Variants in ATXN2 observed in about 807,000 individuals in gnomAD.
The protein encoded by ATXN2 is ataxin 2.
A neutral mutation model predicts 138.6 loss-of-function variants in ATXN2; 37 were observed. The ratio of observed to expected loss-of-function variants is 0.27; its 90% CI spans 0.21 to 0.35. The LOEUF (loss-of-function observed/expected upper bound fraction) is 0.35, where lower values mean the gene tolerates loss of function less well. Among genes scored for constraint, ATXN2 ranks in the 10% least tolerant of loss-of-function variants. The probability of loss-of-function intolerance (pLI) is 1.00; values close to 1 mark genes in which losing one functional copy is unlikely to be tolerated. For missense variants in ATXN2, 1,216 were observed against 1,480.3 expected (o/e 0.82, Z 2.93); for synonymous variants, 549 against 543.7 (o/e 1.01, Z -0.13).
chr12:111,485,960 T>C (rs1877610497), intron 16 of ATXN2, 95 bp from the exon 17 acceptor site: 3 of 1,238,350 alleles, frequency 2.4e-6, no homozygotes, highest in East Asian at 2.6e-5. Flanking sequence ...CTAATTTTAC[T>C]TGCTTTAACT....
intron 5 of ATXN2, among the ~76,000 whole-genome samples, chr12:111,539,761 TAAAAATAA>T (rs1221895519): frequency 7.5e-5 from 11 of 147,160 alleles, no homozygotes; most frequent in African/African-American, 2.7e-4. Context: ...AAATAAAAAA[TAAAAATAA>T]AAAAAGAAAA....
intron 18 of ATXN2, among the ~76,000 whole-genome samples, chr12:111,481,662 T>A (rs1291712106): frequency 6.6e-6 from 1 of 151,932 alleles, no homozygotes; most frequent in Non-Finnish European, 1.5e-5. Context: ...TGAAAAAAAA[T>A]TTTATTTTTT....
At chr12:111,562,517 T>TG (rs1474429141) in intron 1 of ATXN2, among the ~76,000 whole-genome samples, 1 of 151,922 alleles carries the variant, frequency 6.6e-6, no homozygotes, top group Non-Finnish European at 1.5e-5. Context: ...GGTCGGGAGT[T>TG]GGAGACCAGC....
At chr12:111,465,753 G>A (rs1875956254) in intron 20 of ATXN2, among the ~76,000 whole-genome samples, 1 of 120,982 alleles carries the variant, frequency 8.3e-6, no homozygotes, top group East Asian at 2.3e-4. Context: ...ATGGGTGACA[G>A]AGTGAGACTA....
In ATXN2 at chr12:111,499,523, G is replaced by A. The variant is rs1878619736; in HGVS notation, c.1935+10026C>T. Reference sequence around the variant, plus strand: ...GTTCAAGACCAGCCTGGGCAACAAGGAGAAATCCCGTCTCTACTAAAAATA... The same window carrying A: ...GTTCAAGACCAGCCTGGGCAACAAGAAGAAATCCCGTCTCTACTAAAAATA... On this transcript the variant is annotated intron_variant, in intron 14 of 24. Coordinates refer to ENST00000673436, the MANE Select transcript of ATXN2 (RefSeq NM_001372574.1). Among the ~76,000 whole-genome samples, 4 of 152,100 alleles carry A rather than the reference G, an allele frequency of 2.6e-5. No homozygotes were observed. The South Asian group carries it at 8.3e-4, about 32-fold the overall frequency.
intron 1 of ATXN2, among the ~76,000 whole-genome samples, chr12:111,569,568 T>C (rs1424494742): frequency 6.6e-6 from 1 of 152,190 alleles, no homozygotes; most frequent in Non-Finnish European, 1.5e-5. Context: ...GTTTTAAAAA[T>C]TAGGCAGGTG....
intron 7 of ATXN2, 142 bp downstream of exon 7, chr12:111,520,740 T>C: frequency 1.8e-6 from 1 of 557,846 alleles, no homozygotes; most frequent in Non-Finnish European, 3.0e-6. Flanking sequence ...TTAATGGAAA[T>C]TTATCACAGT....
chr12:111,538,360 A>G (rs1219433301), intron 5 of ATXN2, among the ~76,000 whole-genome samples: 1 of 152,006 alleles, frequency 6.6e-6, no homozygotes, highest in Non-Finnish European at 1.5e-5. Flanking sequence ...AGCCCATTAA[A>G]TAAGATAAAA....
At position 111,488,496 on chromosome 12, in the gene ATXN2, T is replaced by C. The variant is rs769326602; in HGVS notation, c.2220A>G (p.Glu740=). The C allele has an allele frequency of 6.8e-6, 11 of 1,611,674 alleles. No individual in the cohort carries two copies. The South Asian group carries it at 1.1e-4, about 16-fold the overall frequency. Residue 740 remains glutamate, a synonymous_variant, in exon 15 of 25, where the codon GAA becomes GAG. Transcript: ENST00000673436. ...PACKQEKDDK[E]EKKDAAEQVR... ...CTCACTCAGCTGCGTCTTTCTTCTC[T>C]TCCTTATCGTCTTTCTCTTGTTTAC...
intron 14 of ATXN2, among the ~76,000 whole-genome samples, chr12:111,506,454 A>G (rs1282316399): frequency 6.6e-6 from 1 of 152,238 alleles, no homozygotes; most frequent in African/African-American, 2.4e-5. Flanking sequence ...TAAAGCTGTT[A>G]TAAAAACATG....
chr12:111,598,910 C>T lies in ATXN2; in HGVS notation c.125G>A (p.Ser42Asn). The T allele has an allele frequency of 1.3e-6, 2 of 1,509,460 alleles. No homozygotes were observed. The highest frequency in any genetic ancestry group is 1.8e-6 in the Non-Finnish European group (2 of 1,134,868). 93.5% of individuals were successfully genotyped at this position (1,509,460 alleles called of 1,614,324 possible). A position where few individuals can be genotyped will look rare whatever the true frequency, so the allele number is the denominator to read the frequency against. Residue 42 changes from serine to asparagine, a missense_variant, in exon 1 of 25, where the codon AGC becomes AAC. Transcript: ENST00000673436. This position sits in a 1 kb window ranked among gnomAD's most constrained non-coding sequence, Gnocchi z 4.5. ...AAANVRKPGG[S>N]GLLASPAAAP... ...GGCGGCGGGCGACGCTAGAAGGCCG[C>T]TGCCGCCGGGCTTGCGGACATTGGC...
chr12:111,591,223 C>T (rs1033943861), intron 1 of ATXN2, among the ~76,000 whole-genome samples: 4 of 152,050 alleles, frequency 2.6e-5, no homozygotes, highest in African/African-American at 7.3e-5. Context: ...CATCCCCTGC[C>T]CCTATGGAAA....
intron 1 of ATXN2, among the ~76,000 whole-genome samples, chr12:111,574,180 C>A (rs1189794582): frequency 1.3e-5 from 2 of 151,380 alleles, no homozygotes; most frequent in African/African-American, 4.8e-5. Flanking sequence ...TGGTGGCGGG[C>A]ACCTGTAGTC....
At chr12:111,595,730 A>G (rs571142835) in intron 1 of ATXN2, among the ~76,000 whole-genome samples, 2 of 152,212 alleles carry the variant, frequency 1.3e-5, no homozygotes, top group East Asian at 3.9e-4. Flanking sequence ...CCTCTACTAC[A>G]TAAAAATGAA....
Position 111,470,684 on chromosome 12 carries a change from T to C in ATXN2, c.2583A>G (p.Pro861=), listed in dbSNP as rs1214889538. ...CAATCGGTGGGCCCGCTGCTGACGC[T>C]GGGTGCATCATGGCACTCTGATGAT... ...DQHHQSAMMH[P]ASAAGPPIAA... Residue 861 remains proline (P), a synonymous_variant, in exon 19 of 25, where the codon CCA becomes CCG. Coordinates refer to ENST00000673436, the MANE Select transcript of ATXN2 (RefSeq NM_001372574.1). 1 of 1,614,034 alleles carries C rather than the reference T, an allele frequency of 6.2e-7. No individual in the cohort carries two copies. The highest frequency in any genetic ancestry group is 8.5e-7 in the Non-Finnish European group (1 of 1,180,014).
At position 111,552,878 on chromosome 12, in the gene ATXN2, TAAGAAA is replaced by T. The variant is rs1377805950; in HGVS notation, c.420+22_420+27del. The T allele has an allele frequency of 7.0e-7, 1 of 1,431,726 alleles. No homozygotes were observed. The highest frequency in any genetic ancestry group is 9.5e-7 in the Non-Finnish European group (1 of 1,051,818). The allele number at this position is 1,431,726 out of a possible 1,614,324, so 88.7% of individuals were successfully genotyped here. On this transcript the variant is annotated intron_variant, in intron 4 of 24. Coordinates refer to ENST00000673436, the MANE Select transcript of ATXN2 (RefSeq NM_001372574.1). The surrounding 1 kb of genome is among the most constrained non-coding windows in gnomAD (Gnocchi z 4.1). Reference sequence around the variant, plus strand: ...ACTATGAAAATGTTCTTTTACTTTGTAAGAAAAAGAAAAAAAGTAAAAATTACCTTC... The same window carrying T: ...ACTATGAAAATGTTCTTTTACTTTGTAAGAAAAAAAGTAAAAATTACCTTC...
Position 111,457,231 on chromosome 12 carries a change from C to A in ATXN2, c.3025G>T (p.Ala1009Ser). 6.2e-7 allele frequency: 1 copy of A among 1,613,730 alleles called. No homozygotes were observed. The highest frequency in any genetic ancestry group is 1.7e-4 in the Middle Eastern group (1 of 6,058). ...GCCCTTACCTGAACAGGACTGGGTG[C>A]AGGATGACTTCCACCATGTTGGCTT... ...QQSQHGGSHP[A>S]PSPVQHHQHQ... is the part of the protein sequence containing the mutation. Residue 1009 changes from alanine to serine, a missense_variant, in exon 22 of 25, where the codon GCA becomes TCA. Transcript: ENST00000673436.
chr12:111,545,255 G>T (rs1881742508), intron 5 of ATXN2, among the ~76,000 whole-genome samples: 1 of 151,888 alleles, frequency 6.6e-6, no homozygotes. Context: ...TAGAAAGGCA[G>T]ATGTTGAAGA....
At position 111,488,632 on chromosome 12, in the gene ATXN2, C is replaced by T. The variant is rs773967004; in HGVS notation, c.2084G>A (p.Gly695Asp). The T allele has an allele frequency of 6.2e-7, 1 of 1,614,128 alleles. No homozygotes were observed. Among genetic ancestry groups the T allele is most frequent in the South Asian group, 1.1e-5 (1 of 91,070 alleles). Residue 695 changes from glycine (G) to aspartate (D), a missense_variant, in exon 15 of 25, where the codon GGC becomes GAC. Transcript: ENST00000673436. Reference protein sequence around the residue: ...IENSSSNCTSGSSKPNSPSIS... With the variant: ...IENSSSNCTSDSSKPNSPSIS... The stretch of plus-strand genomic sequence containing the variant: ...GCTGGGGCTATTCGGCTTGCTGCTG[C>T]CACTGGTACAGTTGCTGCTGCTATT...
Sources: allele counts gnomAD v4.1 joint callset (sites outside exome capture counted in the v4.1 genomes callset), GRCh38; gene constraint gnomAD v4.1.1; non-coding constraint Gnocchi (gnomAD v3.1); transcripts MANE v1.5; gene names NCBI Gene and HGNC (gene_info 2026-07-23, HGNC 2026-07-21).